KLHL1: variants seen among roughly 807,000 people sequenced by gnomAD.
The protein encoded by KLHL1 is kelch like family member 1.
KLHL1 carries 47 observed loss-of-function variants against 77.7 expected under a neutral mutation model. The ratio of observed to expected loss-of-function variants is 0.60; its 90% CI spans 0.48 to 0.77. KLHL1 has a LOEUF of 0.77. Ranked by LOEUF, KLHL1 falls within the 30% of genes least tolerant of loss-of-function variation. KLHL1 has a pLI of 0.00. For synonymous variants in KLHL1, 360 were observed against 325.2 expected (o/e 1.11, Z -1.15); for missense variants, 925 against 910.8 (o/e 1.02, Z -0.20).
At chr13:70,012,950 T>C (rs1371915243) in intron 1 of KLHL1, among the ~76,000 whole-genome samples, 2 of 152,006 alleles carry the variant, frequency 1.3e-5, no homozygotes, top group Non-Finnish European at 2.9e-5. Context: ...AATATACTTT[T>C]AATATTTTGA....
chr13:70,072,738 T>C (rs543784345), intron 1 of KLHL1, among the ~76,000 whole-genome samples: 2 of 152,138 alleles, frequency 1.3e-5, no homozygotes, highest in South Asian at 2.1e-4. Flanking sequence ...TGACAAAATC[T>C]GTCATCTATT....
intron 6 of KLHL1, among the ~76,000 whole-genome samples, chr13:69,797,801 C>G (rs943410451): frequency 2.7e-4 from 40 of 147,590 alleles, no homozygotes; most frequent in African/African-American, 9.0e-4. Flanking sequence ...TGCACCCCAG[C>G]CTGGGTGACA....
intron 3 of KLHL1, among the ~76,000 whole-genome samples, chr13:69,955,442 TC>T (rs1335281357): frequency 6.6e-6 from 1 of 151,386 alleles, no homozygotes; most frequent in Non-Finnish European, 1.5e-5. Context: ...CAGTTTAATT[TC>T]CTAACCCTCT....
At chr13:69,960,406 A>T (rs1480419177) in intron 3 of KLHL1, among the ~76,000 whole-genome samples, 1 of 152,076 alleles carries the variant, frequency 6.6e-6, no homozygotes, top group Non-Finnish European at 1.5e-5. Flanking sequence ...ACCACATTCC[A>T]TTTATAAGAA....
intron 1 of KLHL1, 38 bp from the exon 2 acceptor site, chr13:69,975,840 A>G: frequency 6.6e-7 from 1 of 1,504,238 alleles, no homozygotes. Flanking sequence ...ACACAAAATA[A>G]TAAAGGGATT....
chr13:70,056,490 C>A (rs552267728), intron 1 of KLHL1, among the ~76,000 whole-genome samples: 1 of 152,132 alleles, frequency 6.6e-6, no homozygotes, highest in South Asian at 2.1e-4. Context: ...CCAAATGGAA[C>A]TAATGTATTT....
At chr13:70,012,562 T>C (rs77145153) in intron 1 of KLHL1, among the ~76,000 whole-genome samples, 12,760 of 152,106 alleles carry the variant, frequency 0.084, 603 homozygotes, top group Non-Finnish European at 0.11. Context: ...TGAATGGTAG[T>C]ACCTATTATT....
intron 9 of KLHL1, among the ~76,000 whole-genome samples, chr13:69,715,473 A>G (rs182754444): frequency 1.3e-3 from 194 of 151,802 alleles, no homozygotes; most frequent in Non-Finnish European, 2.1e-3. Flanking sequence ...CTATGAGTCA[A>G]TTATACCTCT....
intron 4 of KLHL1, among the ~76,000 whole-genome samples, chr13:69,884,612 A>G (rs937045927): frequency 5.3e-5 from 8 of 152,132 alleles, no homozygotes; most frequent in African/African-American, 1.4e-4. Flanking sequence ...TGAAACTCCT[A>G]GTGGTATCTG....
At chr13:69,777,787 CTT>C (rs1389806242) in intron 7 of KLHL1, among the ~76,000 whole-genome samples, 35 of 152,214 alleles carry the variant, frequency 2.3e-4, no homozygotes, top group South Asian at 2.3e-3. Flanking sequence ...ATAACTAACT[CTT>C]TATTTAAATT....
At chr13:69,791,140 A>T (rs757586599) in intron 7 of KLHL1, among the ~76,000 whole-genome samples, 9 of 152,100 alleles carry the variant, frequency 5.9e-5, no homozygotes, top group Non-Finnish European at 1.3e-4. Context: ...ATTTCAGGAT[A>T]CAAGTTAAAT....
intron 5 of KLHL1, among the ~76,000 whole-genome samples, chr13:69,857,427 G>A (rs895411760): frequency 6.6e-6 from 1 of 151,926 alleles, no homozygotes; most frequent in African/African-American, 2.4e-5. Context: ...CCCCCTAGTG[G>A]ACATATTACT....
intron 1 of KLHL1, among the ~76,000 whole-genome samples, chr13:70,000,486 C>T (rs374371117): frequency 6.6e-6 from 1 of 151,968 alleles, no homozygotes; most frequent in East Asian, 1.9e-4. Context: ...GCCTGATTTA[C>T]TAAATATATA....
chr13:70,029,135 G>A (rs1050170723), intron 1 of KLHL1, among the ~76,000 whole-genome samples: 1 of 152,136 alleles, frequency 6.6e-6, no homozygotes, highest in African/African-American at 2.4e-5. Flanking sequence ...GTGTATGTGT[G>A]TTTGTGGTTG....
chr13:69,952,102 G>A (rs556143764), intron 3 of KLHL1, among the ~76,000 whole-genome samples: 1 of 151,496 alleles, frequency 6.6e-6, no homozygotes, highest in East Asian at 1.9e-4. Context: ...TTCTAAATAT[G>A]TTTTGTTTAA....
intron 1 of KLHL1, among the ~76,000 whole-genome samples, chr13:70,104,202 A>C (rs1887992147): frequency 1.3e-5 from 2 of 152,218 alleles, no homozygotes; most frequent in South Asian, 4.1e-4. Context: ...ACAGGGAAGT[A>C]GAGAAATTAA....
At chr13:69,732,932 G>A (rs1382291708) in intron 8 of KLHL1, among the ~76,000 whole-genome samples, 3 of 151,992 alleles carry the variant, frequency 2.0e-5, no homozygotes, top group East Asian at 1.9e-4. Flanking sequence ...CCTTCCCCAA[G>A]CTTCTAAATC....
chr13:69,796,884 T>A lies in KLHL1; in HGVS notation c.1493A>T (p.Gln498Leu), dbSNP rs769111443. 2 of 1,614,056 alleles carry A rather than the reference T, an allele frequency of 1.2e-6. No individual in the cohort carries two copies. The highest frequency in any genetic ancestry group is 1.7e-6 in the Non-Finnish European group (2 of 1,180,020). ...GTCATCAATAACAGCCACACCAAAC[T>A]GCAGCCTTCTGCCATTCATCATCCC... ...QAGMMNGRRL[Q>L]FGVAVIDDKL... The change falls in exon 7 of 11, where the codon CAG becomes CTG. Residue 498 changes from glutamine (Q) to leucine (L), a missense_variant. Transcript: ENST00000377844.
At chr13:69,935,036 A>G (rs1883137166) in intron 4 of KLHL1, among the ~76,000 whole-genome samples, 1 of 148,636 alleles carries the variant, frequency 6.7e-6, no homozygotes. Context: ...ATCATTATAA[A>G]GTATTATAAA....
Sources: gnomAD v4.1 joint callset for allele counts (sites outside exome capture counted in the v4.1 genomes callset) on GRCh38, gnomAD v4.1.1 for gene constraint, MANE v1.5 for transcripts, NCBI Gene and HGNC (gene_info 2026-07-23, HGNC 2026-07-21) for gene names.